Variants in GRID2 observed in about 807,000 individuals in gnomAD.
The protein encoded by GRID2 is glutamate receptor ionotropic, delta-2.
Under a neutral mutation model 114.8 loss-of-function variants are expected in GRID2, and 33 were observed. The ratio of observed to expected loss-of-function variants is 0.29; its 90% confidence interval spans 0.22 to 0.38. GRID2 has a LOEUF of 0.38. Ranked by LOEUF, GRID2 falls within the 10% of genes least tolerant of loss-of-function variation. The probability of loss-of-function intolerance (pLI) is 1.00; values close to 1 mark genes in which losing one functional copy is unlikely to be tolerated. For synonymous variants in GRID2, 505 were observed against 449.9 expected (o/e 1.12, Z -1.55); for missense variants, 1,184 against 1,257.7 (o/e 0.94, Z 0.89).
chr4:93,557,774 A>C (rs1734462809), intron 13 of GRID2, among the ~76,000 whole-genome samples: 1 of 152,246 alleles, frequency 6.6e-6, no homozygotes, highest in African/African-American at 2.4e-5. Flanking sequence ...CCCCAAATCA[A>C]CAGAACATAC....
At chr4:92,738,145 T>C (rs1490026105) in intron 2 of GRID2, among the ~76,000 whole-genome samples, 1 of 152,150 alleles carries the variant, frequency 6.6e-6, no homozygotes, top group Non-Finnish European at 1.5e-5. Flanking sequence ...TATCTCATTG[T>C]GGTTTTGATT....
chr4:93,459,246 A>G (rs1723510654), intron 11 of GRID2, among the ~76,000 whole-genome samples: 1 of 151,316 alleles, frequency 6.6e-6, no homozygotes, highest in Non-Finnish European at 1.5e-5. Flanking sequence ...GGTCTCAATA[A>G]GATTACAGAA....
chr4:92,591,459 AAATT>A (rs1188494406), intron 2 of GRID2, among the ~76,000 whole-genome samples: 1 of 152,210 alleles, frequency 6.6e-6, no homozygotes, highest in African/African-American at 2.4e-5. Context: ...AATGAATGCA[AAATT>A]AATTTAGTCA....
intron 8 of GRID2, among the ~76,000 whole-genome samples, chr4:93,352,063 A>G (rs1760857005): frequency 6.6e-6 from 1 of 152,032 alleles, no homozygotes. Flanking sequence ...AAGCTCGAAT[A>G]TGAAATCTAA....
intron 1 of GRID2, among the ~76,000 whole-genome samples, chr4:92,549,458 C>A (rs1726467863): frequency 6.6e-6 from 1 of 152,156 alleles, no homozygotes; most frequent in Non-Finnish European, 1.5e-5. Context: ...ACACACATCA[C>A]ACACACCTCC....
chr4:92,522,201 T>C (rs148779877), intron 1 of GRID2, among the ~76,000 whole-genome samples: 3 of 151,948 alleles, frequency 2.0e-5, no homozygotes, highest in African/African-American at 7.2e-5. Flanking sequence ...GAGAAGAGCA[T>C]TCCAGACACA....
At chr4:93,004,286 C>T (rs183341843) in intron 2 of GRID2, among the ~76,000 whole-genome samples, 1 of 151,904 alleles carries the variant, frequency 6.6e-6, no homozygotes, top group Admixed American at 6.6e-5. Context: ...GGGTCCACAA[C>T]CCTAATCAAC....
At chr4:93,245,004 TG>T (rs1435897053) in intron 8 of GRID2, among the ~76,000 whole-genome samples, 1 of 152,060 alleles carries the variant, frequency 6.6e-6, no homozygotes, top group Non-Finnish European at 1.5e-5. Flanking sequence ...AATGAATTCA[TG>T]TCTTGGAAGG....
chr4:92,560,291 C>G (rs749274656), intron 1 of GRID2, among the ~76,000 whole-genome samples: 8 of 152,152 alleles, frequency 5.3e-5, no homozygotes, highest in Non-Finnish European at 7.4e-5. Flanking sequence ...CCCCTTTCCT[C>G]TTTTCCCACC....
chr4:92,533,436 AGTACTAGGACACATACATACATACAT>A (rs1725450947), intron 1 of GRID2, among the ~76,000 whole-genome samples: 1 of 143,500 alleles, frequency 7.0e-6, no homozygotes, highest in African/African-American at 2.6e-5. Flanking sequence ...TAATGCTCAA[AGTACTAGGACACATACATACATACAT>A]ACATACATAC....
chr4:92,429,028 G>C (rs569660138), intron 1 of GRID2, among the ~76,000 whole-genome samples: 1 of 151,842 alleles, frequency 6.6e-6, no homozygotes, highest in Admixed American at 6.6e-5. Flanking sequence ...TCCACCCCCC[G>C]ACAGGCCCCA....
chr4:93,481,455 A>G (rs1471619164), intron 11 of GRID2, among the ~76,000 whole-genome samples: 1 of 152,098 alleles, frequency 6.6e-6, no homozygotes, highest in Non-Finnish European at 1.5e-5. Context: ...CAGGATAAAG[A>G]GAGTTCTTCA....
chr4:93,567,694 T>A (rs1379268049), intron 13 of GRID2, among the ~76,000 whole-genome samples: 1 of 152,198 alleles, frequency 6.6e-6, no homozygotes, highest in Non-Finnish European at 1.5e-5. Flanking sequence ...CTCAGAACAT[T>A]AATGTAAGCT....
chr4:92,979,354 A>G (rs1754049716), intron 2 of GRID2, among the ~76,000 whole-genome samples: 2 of 152,008 alleles, frequency 1.3e-5, no homozygotes, highest in African/African-American at 4.8e-5. Context: ...TTATAATTAT[A>G]ATAAACAGTA....
At chr4:92,888,932 C>G (rs536042128) in intron 2 of GRID2, among the ~76,000 whole-genome samples, 1 of 151,900 alleles carries the variant, frequency 6.6e-6, no homozygotes, top group African/African-American at 2.4e-5. Flanking sequence ...CAGATATACA[C>G]ATTTTACAGG....
chr4:93,711,178 G>C (rs913396229), intron 14 of GRID2, among the ~76,000 whole-genome samples: 4 of 152,024 alleles, frequency 2.6e-5, no homozygotes, highest in African/African-American at 9.7e-5. Flanking sequence ...GGAATGCACT[G>C]GGTCAGACCT....
chr4:92,974,691 AG>A (rs141083784), intron 2 of GRID2, among the ~76,000 whole-genome samples: 1 of 150,846 alleles, frequency 6.6e-6, no homozygotes, highest in Non-Finnish European at 1.5e-5. Context: ...TCGCGGGGGT[AG>A]GGGGGTAGGG....
At chr4:92,968,809 T>C (rs1012404171) in intron 2 of GRID2, among the ~76,000 whole-genome samples, 3 of 151,868 alleles carry the variant, frequency 2.0e-5, no homozygotes, top group Non-Finnish European at 4.4e-5. Context: ...TATGTATTTG[T>C]GGTCTTTTTG....
chr4:93,214,842 C>G (rs752462367), intron 5 of GRID2, among the ~76,000 whole-genome samples: 3 of 151,966 alleles, frequency 2.0e-5, no homozygotes, highest in Non-Finnish European at 2.9e-5. Flanking sequence ...AATAATGTAT[C>G]TTTACAGTTT....
Sources: gnomAD v4.1 joint callset for allele counts (sites outside exome capture counted in the v4.1 genomes callset) on GRCh38, gnomAD v4.1.1 for gene constraint, MANE v1.5 for transcripts, NCBI Gene and HGNC (gene_info 2026-07-23, HGNC 2026-07-21) for gene names.